The following UCMA variants were observed in gnomAD, a reference collection of about 807,000 sequenced individuals.
UCMA encodes the protein upper zone of growth plate and cartilage matrix associated.
A neutral mutation model predicts 21.8 loss-of-function variants in UCMA; 21 were observed. The ratio of observed to expected loss-of-function variants is 0.97; its 90% CI spans 0.68 to 1.39. The LOEUF is 1.39. Ranked by LOEUF, UCMA falls within the 40% of genes most tolerant of loss-of-function variation. UCMA has a pLI of 0.00. For synonymous variants in UCMA, 76 were observed against 67.9 expected, an observed-to-expected ratio of 1.12 and a Z score of -0.58; for missense variants, 193 against 178.9, an observed-to-expected ratio of 1.08 and a Z score of -0.45.
At position 13,233,613 on chromosome 10, in the gene UCMA, T is replaced by C. The variant is rs377574269; in HGVS notation, c.145A>G (p.Met49Val). Residue 49 changes from methionine to valine, a missense_variant, in exon 3 of 5, where the codon ATG (methionine) becomes GTG (valine). Coordinates refer to ENST00000378681, the MANE Select transcript of UCMA (RefSeq NM_145314.3). ...ASEDAKQKIFMQESDASNFLK... is the reference protein window; with the variant it reads ...ASEDAKQKIFVQESDASNFLK... ...AAATTCGAGGCATCTGATTCCTGCATGAAAATCTTCTGTTTTGCATCTGAA... is the reference window on the plus strand; with the variant it reads ...AAATTCGAGGCATCTGATTCCTGCACGAAAATCTTCTGTTTTGCATCTGAA... 8.1e-6 allele frequency: 13 copies of C among 1,613,996 alleles called. No individual in the cohort carries two copies. The African/African-American group carries it at 1.1e-4, about 13-fold the overall frequency.
chr10:13,224,809 A>G (rs1402850450), intron 4 of UCMA, among the ~76,000 whole-genome samples: 1 of 152,178 alleles, frequency 6.6e-6, no homozygotes, highest in Non-Finnish European at 1.5e-5. Flanking sequence ...AGGCATGTTG[A>G]GGCACCGCAG....
chr10:13,225,025 G>A (rs1834806230), intron 4 of UCMA, among the ~76,000 whole-genome samples: 2 of 152,056 alleles, frequency 1.3e-5, no homozygotes, highest in Admixed American at 1.3e-4. Flanking sequence ...CTGAGAGTGT[G>A]GTTTTGACGT....
At chr10:13,222,248 C>T in intron 4 of UCMA, 48 bp from the exon 5 acceptor site, 1 of 1,568,438 alleles carries the variant, frequency 6.4e-7, no homozygotes, top group Non-Finnish European at 8.7e-7. Flanking sequence ...GGACTCTGAC[C>T]TGCCACTGAG....
intron 3 of UCMA, among the ~76,000 whole-genome samples, chr10:13,232,649 T>C (rs1834914256): frequency 6.6e-6 from 1 of 152,154 alleles, no homozygotes; most frequent in Non-Finnish European, 1.5e-5. Flanking sequence ...GTTCTTCCCA[T>C]CATTTGAAAA....
chr10:13,231,328 G>A (rs555993094), intron 3 of UCMA, among the ~76,000 whole-genome samples: 11 of 152,146 alleles, frequency 7.2e-5, no homozygotes, highest in South Asian at 2.1e-4. Flanking sequence ...CCTCTCACTC[G>A]GCATTCACAC....
Position 13,222,171 on chromosome 10 carries a change from C to G in UCMA, c.349G>C (p.Glu117Gln). The G allele has an allele frequency of 6.2e-7, 1 of 1,614,034 alleles. No individual in the cohort carries two copies. The highest frequency in any genetic ancestry group is 1.7e-5 in the Admixed American group (1 of 60,012). ...TCATAGTGCCACTGGCGCCACTGCT[C>G]CACAGCCTCCCGGCTCCTCTCTTCC... ...EQEERSREAV[E>Q]QWRQWHYDGL... is the part of the protein sequence containing the mutation. Residue 117 changes from glutamate to glutamine, a missense_variant, in exon 5 of 5, where the codon GAG becomes CAG. Physicochemically the swap from Glu to Gln is conservative, Grantham distance 29 (BLOSUM62 2). Transcript: ENST00000378681.
At position 13,225,598 on chromosome 10, in the gene UCMA, C is replaced by T. The variant is rs539936360; in HGVS notation, c.320-3398G>A. On this transcript the variant is annotated intron_variant, in intron 4 of 4. Transcript: ENST00000378681. The stretch of plus-strand genomic sequence containing the variant: ...GCTGAGGCAGGAGAATCACTTGAAC[C>T]CCGGAGGAGGAGGTTTCATTGAGCC... 1.7e-4 allele frequency among the ~76,000 whole-genome samples: 25 copies of T among 151,504 alleles called. No individual in the cohort carries two copies. In the East Asian group the frequency reaches 3.3e-3, roughly 20 times the overall value.
At chr10:13,223,573 G>A (rs184102586) in intron 4 of UCMA, among the ~76,000 whole-genome samples, 3 of 152,106 alleles carry the variant, frequency 2.0e-5, no homozygotes, top group African/African-American at 7.2e-5. Flanking sequence ...TGTTTTTGTT[G>A]TTTTGACTCT....
intron 1 of UCMA, 98 bp from the exon 2 acceptor site, chr10:13,233,898 A>C (rs1485206226): frequency 5.7e-6 from 8 of 1,398,232 alleles, no homozygotes; most frequent in Non-Finnish European, 7.7e-6. Context: ...GCGTCCTGCC[A>C]GGGCCTGGCA....
At chr10:13,224,828 A>G (rs1834803839) in intron 4 of UCMA, among the ~76,000 whole-genome samples, 1 of 152,142 alleles carries the variant, frequency 6.6e-6, no homozygotes, top group Non-Finnish European at 1.5e-5. Flanking sequence ...AGCTGCCAGA[A>G]GTGTTTCCTT....
chr10:13,230,404 G>C (rs987603193), intron 3 of UCMA, among the ~76,000 whole-genome samples: 4 of 152,188 alleles, frequency 2.6e-5, no homozygotes, highest in Non-Finnish European at 4.4e-5. Context: ...CATTACAGCT[G>C]TTGGAATAAA....
chr10:13,231,788 CT>C lies in UCMA; in HGVS notation c.220+1749del, dbSNP rs147857138. On this transcript the variant is annotated intron_variant, in intron 3 of 4. Coordinates refer to ENST00000378681, the MANE Select transcript of UCMA (RefSeq NM_145314.3). ...ACACTCTCTTTTCACCCTAAAGTAA[CT>C]TCACCTTTATCCCAGAGGCTTAGAG... Among the ~76,000 whole-genome samples the C allele has an allele frequency of 1.7e-4, 26 of 152,322 alleles. No individual in the cohort carries two copies. In the East Asian group the frequency reaches 3.9e-3, roughly 23 times the overall value.
chr10:13,224,393 AAG>A (rs1251756511), intron 4 of UCMA, among the ~76,000 whole-genome samples: 4 of 149,304 alleles, frequency 2.7e-5, no homozygotes, highest in African/African-American at 7.3e-5. Context: ...AGAAGAAAGA[AAG>A]AGAAAAAAAG....
At chr10:13,233,852 C>T (rs769636794) in intron 1 of UCMA, 52 bp from the exon 2 acceptor site, 42 of 1,605,156 alleles carry the variant, frequency 2.6e-5, no homozygotes, top group Non-Finnish European at 3.1e-5. Flanking sequence ...GGAGCCCAGA[C>T]CCTGAGCTGA....
At chr10:13,229,931 A>G (rs1286593287) in intron 3 of UCMA, among the ~76,000 whole-genome samples, 4 of 152,208 alleles carry the variant, frequency 2.6e-5, no homozygotes, top group Non-Finnish European at 5.9e-5. Flanking sequence ...AAATGAGAAG[A>G]TAGAGGCCCC....
At chr10:13,229,528 T>G in intron 4 of UCMA, 83 bp downstream of exon 4, 1 of 1,234,542 alleles carries the variant, frequency 8.1e-7, no homozygotes, top group Non-Finnish European at 1.1e-6. Context: ...AAAAAAAAAG[T>G]TGGGTAGAAG....
intron 4 of UCMA, among the ~76,000 whole-genome samples, 174 bp from the exon 5 acceptor site, chr10:13,222,374 C>T (rs550016184): frequency 1.4e-4 from 22 of 152,306 alleles, no homozygotes; most frequent in African/African-American, 4.8e-4. Flanking sequence ...AGCTGACAAG[C>T]CTTGTGTATA....
At chr10:13,223,436 A>G (rs1834784771) in intron 4 of UCMA, among the ~76,000 whole-genome samples, 1 of 152,214 alleles carries the variant, frequency 6.6e-6, no homozygotes, top group Admixed American at 6.5e-5. Context: ...AAAGGAATGA[A>G]GTTCTGGCAC....
chr10:13,229,811 G>T, intron 3 of UCMA, 102 bp from the exon 4 acceptor site: 1 of 908,678 alleles, frequency 1.1e-6, no homozygotes, highest in Non-Finnish European at 1.7e-6. Flanking sequence ...CCTGGTTGGG[G>T]GATGAGTGGT....
Sources: gnomAD v4.1 joint callset for allele counts (sites outside exome capture counted in the v4.1 genomes callset) on GRCh38, gnomAD v4.1.1 for gene constraint, MANE v1.5 for transcripts, NCBI Gene and HGNC (gene_info 2026-07-23, HGNC 2026-07-21) for gene names.